The following NRG4 variants were observed in gnomAD, a reference collection of about 807,000 sequenced individuals.
NRG4 encodes the protein pro-neuregulin-4, membrane-bound isoform.
NRG4 carries 10 observed loss-of-function variants against 15.0 expected under a neutral mutation model. The observed-to-expected ratio is 0.67, with a 90% confidence interval of 0.41 to 1.13. NRG4 has a LOEUF of 1.13. NRG4 is among the 50% of genes most tolerant of loss of function. The pLI, the probability that NRG4 is intolerant of heterozygous loss-of-function variation, is 0.00. For missense variants in NRG4, 139 were observed against 140.2 expected (o/e 0.99, Z 0.04); for synonymous variants, 41 against 50.1 (o/e 0.82, Z 0.77).
chr15:75,990,057 C>T (rs1373727207), intron 3 of NRG4, among the ~76,000 whole-genome samples: 1 of 152,186 alleles, frequency 6.6e-6, no homozygotes, highest in Non-Finnish European at 1.5e-5. Flanking sequence ...ACCAAGGACA[C>T]TTCACTCTAG....
intron 4 of NRG4, among the ~76,000 whole-genome samples, chr15:76,047,190 C>G (rs1181982970): frequency 1.3e-5 from 2 of 150,784 alleles, no homozygotes; most frequent in Non-Finnish European, 2.9e-5. Flanking sequence ...TAAATTAGTA[C>G]AACCTCTATG....
At chr15:76,059,495 A>C (rs1255511542) in intron 1 of NRG4, among the ~76,000 whole-genome samples, 1 of 152,078 alleles carries the variant, frequency 6.6e-6, no homozygotes, top group Non-Finnish European at 1.5e-5. Context: ...GCTGTACGAA[A>C]TCCCGCGGGG....
In NRG4 at chr15:75,942,870, G is replaced by C. The variant is rs2031144164; in HGVS notation, c.*768C>G. 1 of 151,970 alleles carries C rather than the reference G, an allele frequency of 6.6e-6. No homozygotes were observed. Among genetic ancestry groups the C allele is most frequent in the South Asian group, 2.1e-4 (1 of 4,826 alleles). 9.4% of individuals were successfully genotyped at this position (151,970 alleles called of 1,614,324 possible). A position where few individuals can be genotyped will look rare whatever the true frequency, so the allele number is the denominator to read the frequency against. On this transcript the variant is annotated 3_prime_UTR_variant, in exon 6 of 6. Transcript: ENST00000394907. ...AAAACTGGAGAAACTAAATTGTTCT[G>C]ACCTAATCAGTTCTTAATATTGCAC...
upstream of NRG4, among the ~76,000 whole-genome samples, chr15:76,015,836 G>C (rs1206663770): frequency 1.3e-5 from 2 of 152,256 alleles, no homozygotes; most frequent in African/African-American, 4.8e-5. Flanking sequence ...GCCAGGCTTT[G>C]GTATCAGGAT....
chr15:75,997,044 T>C (rs558701153), intron 3 of NRG4, among the ~76,000 whole-genome samples: 1 of 152,210 alleles, frequency 6.6e-6, no homozygotes, highest in African/African-American at 2.4e-5. Context: ...CTTTTCCCAC[T>C]ATAATACTTA....
chr15:75,972,550 G>A (rs1239554224), intron 3 of NRG4, among the ~76,000 whole-genome samples: 5 of 152,080 alleles, frequency 3.3e-5, no homozygotes, highest in African/African-American at 1.2e-4. Context: ...TTTTGTATAA[G>A]GTGTAAGGAA....
At chr15:75,945,361 C>T (rs1472351793) in intron 5 of NRG4, among the ~76,000 whole-genome samples, 1 of 151,626 alleles carries the variant, frequency 6.6e-6, no homozygotes, top group Non-Finnish European at 1.5e-5. Context: ...AGCTATTGTC[C>T]TGCCTTAGCC....
intron 5 of NRG4, among the ~76,000 whole-genome samples, chr15:76,033,147 A>G (rs2035514606): frequency 1.3e-5 from 2 of 152,268 alleles, no homozygotes; most frequent in African/African-American, 2.4e-5. Context: ...CTATGTATCA[A>G]GAAGATGTCT....
intron 3 of NRG4, among the ~76,000 whole-genome samples, chr15:75,997,918 G>A (rs575018326): frequency 1.3e-5 from 2 of 152,248 alleles, no homozygotes; most frequent in Non-Finnish European, 2.9e-5. Flanking sequence ...CTGTATGTGA[G>A]GCTCAAACAC....
At chr15:76,027,395 C>T (rs936075850) in intron 5 of NRG4, among the ~76,000 whole-genome samples, 7 of 151,552 alleles carry the variant, frequency 4.6e-5, no homozygotes, top group Non-Finnish European at 1.0e-4. Flanking sequence ...TATATATGCA[C>T]CCAGCACCAA....
At chr15:76,006,999 A>T (rs1596016192) in intron 3 of NRG4, among the ~76,000 whole-genome samples, 1 of 152,232 alleles carries the variant, frequency 6.6e-6, no homozygotes, top group East Asian at 1.9e-4. Flanking sequence ...TAAATATAAA[A>T]GGATAGGAAA....
At chr15:76,053,896 T>G (rs1395650964) in intron 2 of NRG4, among the ~76,000 whole-genome samples, 1 of 151,050 alleles carries the variant, frequency 6.6e-6, no homozygotes, top group African/African-American at 2.5e-5. Flanking sequence ...ATTTTTGTTT[T>G]CAATACATGT....
intron 5 of NRG4, among the ~76,000 whole-genome samples, chr15:76,032,186 C>T (rs2035490245): frequency 2.0e-5 from 3 of 152,036 alleles, no homozygotes; most frequent in Admixed American, 2.0e-4. Context: ...AAAAGATTTT[C>T]CAGTCAATTG....
intron 3 of NRG4, among the ~76,000 whole-genome samples, chr15:75,983,187 AGCC>A (rs894747783): frequency 9.1e-4 from 139 of 152,330 alleles, no homozygotes; most frequent in African/African-American, 3.2e-3. Flanking sequence ...ACAAGAATCA[AGCC>A]GCTAATATAA....
At chr15:75,963,688 G>T (rs947997431) in intron 3 of NRG4, among the ~76,000 whole-genome samples, 1 of 150,318 alleles carries the variant, frequency 6.7e-6, no homozygotes, top group African/African-American at 2.4e-5. Flanking sequence ...TGAGGCAAGA[G>T]AATTGCTTGA....
intron 5 of NRG4, among the ~76,000 whole-genome samples, chr15:75,952,814 C>A (rs1408836920): frequency 1.3e-5 from 2 of 152,032 alleles, no homozygotes; most frequent in Non-Finnish European, 2.9e-5. Context: ...TTGGAGAACT[C>A]TTTTCCAATC....
At chr15:75,969,364 A>AT (rs1354125801) in intron 3 of NRG4, 1 of 369,832 alleles carries the variant, frequency 2.7e-6, no homozygotes, top group Non-Finnish European at 5.6e-6. Context: ...ATAATGGATG[A>AT]TAAAGACAGT....
At chr15:75,971,062 T>C (rs2033067760) in intron 3 of NRG4, 2 of 260,842 alleles carry the variant, frequency 7.7e-6, no homozygotes, top group South Asian at 3.7e-5. Flanking sequence ...AGAAAACTTA[T>C]GCTAATGCAA....
At chr15:75,984,292 G>C (rs984421684) in intron 3 of NRG4, among the ~76,000 whole-genome samples, 3 of 152,092 alleles carry the variant, frequency 2.0e-5, no homozygotes, top group Admixed American at 1.3e-4. Context: ...GTCACGGCAG[G>C]GGGTATATAC....
Sources: allele counts gnomAD v4.1 joint callset (sites outside exome capture counted in the v4.1 genomes callset), GRCh38; gene constraint gnomAD v4.1.1; transcripts MANE v1.5; gene names NCBI Gene and HGNC (gene_info 2026-07-23, HGNC 2026-07-21).